The following C10orf90 variants were observed in gnomAD, a reference collection of about 807,000 sequenced individuals.
The protein encoded by C10orf90 is chromosome 10 open reading frame 90.
A neutral mutation model predicts 62.5 loss-of-function variants in C10orf90; 56 were observed. That is an observed-to-expected ratio of 0.90 (90% confidence interval 0.72 to 1.12). The LOEUF is 1.12. Among genes scored for constraint, C10orf90 ranks in the 50% most tolerant of loss-of-function variants. C10orf90 has a pLI of 0.00. For missense variants in C10orf90, 970 were observed against 880.4 expected, an observed-to-expected ratio of 1.10 and a Z score of -1.29; for synonymous variants, 386 against 340.4, an observed-to-expected ratio of 1.13 and a Z score of -1.47.
At chr10:126,533,444 A>C (rs910798810) in intron 2 of C10orf90, among the ~76,000 whole-genome samples, 38 of 152,228 alleles carry the variant, frequency 2.5e-4, no homozygotes, top group African/African-American at 7.7e-4. Context: ...TTTAAACTCA[A>C]GGAAATCTGT....
intron 3 of C10orf90, among the ~76,000 whole-genome samples, chr10:126,510,006 G>A (rs1330426375): frequency 1.3e-5 from 2 of 152,120 alleles, no homozygotes; most frequent in Non-Finnish European, 2.9e-5. Flanking sequence ...GCTTGTAGAC[G>A]GCCATCTTCT....
At chr10:126,479,942 T>C (rs1047579950) in intron 4 of C10orf90, among the ~76,000 whole-genome samples, 1 of 152,236 alleles carries the variant, frequency 6.6e-6, no homozygotes, top group Non-Finnish European at 1.5e-5. Context: ...ATTTCTTACA[T>C]GGACACAGTT....
intron 2 of C10orf90, among the ~76,000 whole-genome samples, chr10:126,550,592 C>A (rs1864610681): frequency 6.6e-6 from 1 of 152,096 alleles, no homozygotes; most frequent in Non-Finnish European, 1.5e-5. Context: ...TCACTGCAAC[C>A]TCCGCCTCCT....
At chr10:126,565,430 T>TATATAATAATATATATTATAC (rs1844360575) in intron 2 of C10orf90, among the ~76,000 whole-genome samples, 1 of 11,806 alleles carries the variant, frequency 8.5e-5, no homozygotes, top group African/African-American at 1.9e-4. Context: ...ATATATTATA[T>TATATAATAATATATATTATAC]ATATTATACA....
intron 2 of C10orf90, among the ~76,000 whole-genome samples, chr10:126,542,619 A>G (rs1385058590): frequency 1.3e-5 from 2 of 152,224 alleles, no homozygotes; most frequent in Admixed American, 6.5e-5. Flanking sequence ...GTTCACTTTA[A>G]AACAGTTAAT....
intron 7 of C10orf90, among the ~76,000 whole-genome samples, chr10:126,452,346 T>C (rs751885019): frequency 6.6e-6 from 1 of 152,194 alleles, no homozygotes; most frequent in African/African-American, 2.4e-5. Context: ...AGTCTGATAG[T>C]GTAACTTCAC....
At chr10:126,435,755 CTCAGTCCCCT>C (rs990811863) in intron 7 of C10orf90, among the ~76,000 whole-genome samples, 8 of 152,124 alleles carry the variant, frequency 5.3e-5, no homozygotes, top group African/African-American at 1.7e-4. Flanking sequence ...GAGCACTGTC[CTCAGTCCCCT>C]TCACTTCCTG....
At chr10:126,429,935 C>T (rs1019482848) in intron 7 of C10orf90, 85 bp from the exon 8 acceptor site, 34 of 1,174,370 alleles carry the variant, frequency 2.9e-5, no homozygotes, top group East Asian at 1.2e-4. Flanking sequence ...GTTCATAATC[C>T]GTTAATTGAT....
At chr10:126,548,226 G>A (rs150783752) in intron 2 of C10orf90, among the ~76,000 whole-genome samples, 22 of 152,208 alleles carry the variant, frequency 1.4e-4, no homozygotes, top group African/African-American at 5.3e-4. Flanking sequence ...AATGTAACTA[G>A]AATAACAAAA....
chr10:126,510,330 T>G (rs1454045555), intron 3 of C10orf90, among the ~76,000 whole-genome samples: 2 of 152,206 alleles, frequency 1.3e-5, no homozygotes, highest in African/African-American at 2.4e-5. Context: ...TCAATGTTCC[T>G]AAGTCAGCCG....
At chr10:126,607,209 G>T (rs1312816282) in intron 2 of C10orf90, among the ~76,000 whole-genome samples, 1 of 152,166 alleles carries the variant, frequency 6.6e-6, no homozygotes, top group Non-Finnish European at 1.5e-5. Context: ...TGTTCCTGAG[G>T]AAGCCAGGAA....
At chr10:126,523,971 C>A (rs1330083665) in intron 2 of C10orf90, among the ~76,000 whole-genome samples, 1 of 152,162 alleles carries the variant, frequency 6.6e-6, no homozygotes, top group Admixed American at 6.5e-5. Flanking sequence ...TCCATACATC[C>A]ATCAGTGGAC....
chr10:126,518,537 A>G (rs1863563623), intron 2 of C10orf90, among the ~76,000 whole-genome samples: 2 of 152,172 alleles, frequency 1.3e-5, no homozygotes, highest in South Asian at 4.1e-4. Context: ...CAATTCAAAT[A>G]AAACCGTCAT....
At chr10:126,632,388 G>A (rs1845868257) in intron 2 of C10orf90, among the ~76,000 whole-genome samples, 1 of 151,814 alleles carries the variant, frequency 6.6e-6, no homozygotes, top group Admixed American at 6.6e-5. Flanking sequence ...GGGAGAAATA[G>A]GACCTCCATC....
intron 1 of C10orf90, among the ~76,000 whole-genome samples, chr10:126,648,062 G>A (rs1340115916): frequency 6.6e-6 from 1 of 152,194 alleles, no homozygotes; most frequent in Non-Finnish European, 1.5e-5. Flanking sequence ...AGTGGGAGGT[G>A]TTTAAGTCAT....
intron 2 of C10orf90, among the ~76,000 whole-genome samples, chr10:126,541,888 C>T (rs995399159): frequency 6.6e-6 from 1 of 152,182 alleles, no homozygotes; most frequent in Non-Finnish European, 1.5e-5. Context: ...TTCACATCAG[C>T]ACTACTTACA....
At chr10:126,513,610 A>T (rs1863263555) in intron 3 of C10orf90, among the ~76,000 whole-genome samples, 1 of 152,204 alleles carries the variant, frequency 6.6e-6, no homozygotes, top group South Asian at 2.1e-4. Context: ...TCTAGCTGAT[A>T]AATTTTAGTT....
At chr10:126,568,217 C>A (rs1844432657) in intron 2 of C10orf90, among the ~76,000 whole-genome samples, 1 of 152,178 alleles carries the variant, frequency 6.6e-6, no homozygotes, top group South Asian at 2.1e-4. Flanking sequence ...CAGGCCGGAC[C>A]CAACCGGGCT....
At chr10:126,496,037 T>C (rs775957250) in intron 4 of C10orf90, among the ~76,000 whole-genome samples, 1 of 152,204 alleles carries the variant, frequency 6.6e-6, no homozygotes, top group Non-Finnish European at 1.5e-5. Context: ...TGGTGCTTCT[T>C]CTAGGTTACC....
Sources: gnomAD v4.1 joint callset for allele counts (sites outside exome capture counted in the v4.1 genomes callset) on GRCh38, gnomAD v4.1.1 for gene constraint, MANE v1.5 for transcripts, NCBI Gene and HGNC (gene_info 2026-07-23, HGNC 2026-07-21) for gene names.